The following TTLL11 variants were observed in gnomAD, a reference collection of about 807,000 sequenced individuals.
TTLL11 encodes tubulin polyglutamylase TTLL11.
A neutral mutation model predicts 51.7 loss-of-function variants in TTLL11; 42 were observed. The observed-to-expected ratio is 0.81, with a 90% CI of 0.64 to 1.05. The LOEUF (loss-of-function observed/expected upper bound fraction) is 1.05. Among genes scored for constraint, TTLL11 ranks in the 50% least tolerant of loss-of-function variants. The pLI, the probability that TTLL11 is intolerant of heterozygous loss-of-function variation, is 0.00. For synonymous variants in TTLL11, 381 were observed against 383.5 expected (o/e 0.99, Z 0.08); for missense variants, 799 against 940.4 (o/e 0.85, Z 1.97).
chr9:121,934,268 C>A (rs1841109975), intron 6 of TTLL11, among the ~76,000 whole-genome samples: 2 of 41,448 alleles, frequency 4.8e-5, no homozygotes, highest in Non-Finnish European at 1.4e-4. Flanking sequence ...ATAAATAAAT[C>A]CATTCGTCCA....
At chr9:121,840,536 T>C (rs9886787) in intron 8 of TTLL11, among the ~76,000 whole-genome samples, 9,015 of 152,180 alleles carry the variant, frequency 0.059, 727 homozygotes, top group African/African-American at 0.19. Flanking sequence ...GCTGGGATTA[T>C]ATGCAATTGC....
intron 4 of TTLL11, among the ~76,000 whole-genome samples, chr9:121,977,942 T>A (rs1261724951): frequency 1.3e-5 from 2 of 152,186 alleles, no homozygotes; most frequent in African/African-American, 4.8e-5. Context: ...CCCAAAGTTC[T>A]GGGATTACAG....
At chr9:121,854,994 C>A (rs1008090343) in intron 8 of TTLL11, among the ~76,000 whole-genome samples, 24 of 152,276 alleles carry the variant, frequency 1.6e-4, no homozygotes, top group African/African-American at 5.5e-4. Context: ...TAAATTCCAT[C>A]CAGCTCTTGA....
At chr9:121,845,926 A>T (rs182774723) in intron 8 of TTLL11, among the ~76,000 whole-genome samples, 2 of 152,198 alleles carry the variant, frequency 1.3e-5, no homozygotes, top group Non-Finnish European at 2.9e-5. Context: ...CAACTATATC[A>T]ATAAGTATTT....
chr9:122,051,171 C>T (rs1314025160), intron 1 of TTLL11, among the ~76,000 whole-genome samples: 1 of 151,960 alleles, frequency 6.6e-6, no homozygotes, highest in Admixed American at 6.6e-5. Context: ...TAACAATGTG[C>T]CAGGTATCTT....
In TTLL11 at chr9:121,989,347, A is replaced by C; in HGVS notation, c.1117T>G (p.Cys373Gly). 6.2e-7 allele frequency: 1 copy of C among 1,614,196 alleles called. No individual in the cohort carries two copies. Residue 373 changes from cysteine to glycine, a missense_variant, in exon 4 of 9, where the codon TGT becomes GGT. Coordinates refer to ENST00000321582, the MANE Select transcript of TTLL11 (RefSeq NM_001139442.2). The surrounding 1 kb of genome is among the most constrained non-coding windows in gnomAD (Gnocchi z 4.2). ...GSKRTFSSILCRLSSKGVDIK... is the reference protein window; with the variant it reads ...GSKRTFSSILGRLSSKGVDIK... ...TCAACGCCTTTGGAAGACAGTCTAC[A>C]AAGGATGCTGGAAAAAGTCCTTTTG...
intron 6 of TTLL11, among the ~76,000 whole-genome samples, chr9:121,909,122 ACG>A (rs1840031438): frequency 6.6e-6 from 1 of 152,172 alleles, no homozygotes. Context: ...CCAATCCATA[ACG>A]GTCAACTTAT....
intron 8 of TTLL11, among the ~76,000 whole-genome samples, chr9:121,845,987 TA>T (rs1364829779): frequency 6.6e-6 from 1 of 151,994 alleles, no homozygotes; most frequent in Non-Finnish European, 1.5e-5. Context: ...TTGAGAGGAT[TA>T]AAAAACGAGA....
At chr9:121,980,143 G>A (rs1842797047) in intron 4 of TTLL11, among the ~76,000 whole-genome samples, 1 of 151,900 alleles carries the variant, frequency 6.6e-6, no homozygotes, top group African/African-American at 2.4e-5. Context: ...GTGGGTGGAG[G>A]AGAGCATTTG....
intron 8 of TTLL11, among the ~76,000 whole-genome samples, chr9:121,826,921 G>A (rs991773894): frequency 2.0e-5 from 3 of 152,046 alleles, no homozygotes; most frequent in Non-Finnish European, 4.4e-5. Flanking sequence ...ATGGCCCAGG[G>A]GCCTGCCACA....
intron 6 of TTLL11, among the ~76,000 whole-genome samples, chr9:121,899,393 A>ATATATATATATATG (rs1564295478): frequency 2.3e-5 from 3 of 127,908 alleles, no homozygotes; most frequent in South Asian, 2.8e-4. Flanking sequence ...ATATATATAT[A>ATATATATATATATG]TATATATATA....
At chr9:121,937,393 A>G (rs1841277677) in intron 6 of TTLL11, among the ~76,000 whole-genome samples, 2 of 152,240 alleles carry the variant, frequency 1.3e-5, no homozygotes, top group African/African-American at 2.4e-5. Flanking sequence ...ACTTGCTTAC[A>G]GTGACATAGT....
At position 121,960,774 on chromosome 9, in the gene TTLL11, A is replaced by AT. The variant is rs1842195758; in HGVS notation, c.1481+13234dup. On this transcript the variant is annotated intron_variant, in intron 6 of 8. Coordinates refer to ENST00000321582, the MANE Select transcript of TTLL11 (RefSeq NM_001139442.2). ...TGATCCTCTCTAAGTAAATAAAGGC[A>AT]TCCCCCAAGACAGGAATTGCACATC... Among the ~76,000 whole-genome samples the AT allele has an allele frequency of 5.9e-5, 9 of 152,306 alleles. No homozygotes were observed. The South Asian group carries it at 1.9e-3, about 32-fold the overall frequency.
chr9:121,989,893 G>A lies in TTLL11; in HGVS notation c.694-123C>T. On this transcript the variant is annotated intron_variant, in intron 3 of 8. Transcript: ENST00000321582. This position sits in a 1 kb window ranked among gnomAD's most constrained non-coding sequence, Gnocchi z 4.2. ...AAGATGATCCCTGCCGATCTGAGCA[G>A]GGGCTGAGCATCTTCCATGGAGATG... 1.3e-6 allele frequency: 2 copies of A among 1,492,610 alleles called. No homozygotes were observed. Among genetic ancestry groups the A allele is most frequent in the Non-Finnish European group, 1.8e-6 (2 of 1,130,764 alleles). 92.5% of individuals were successfully genotyped at this position (1,492,610 alleles called of 1,614,324 possible).
At position 121,995,927 on chromosome 9, in the gene TTLL11, C is replaced by T. The variant is rs987464253; in HGVS notation, c.694-6157G>A. On this transcript the variant is annotated intron_variant, in intron 3 of 8. Transcript: ENST00000321582. The surrounding 1 kb of genome is among the most constrained non-coding windows in gnomAD (Gnocchi z 4.4). ...TCAAGCTCCGTGGTGAGCGCGGGAA[C>T]CACGGGCCCGTGAGAAGTAGTGCCT... Among the ~76,000 whole-genome samples, 1 of 152,176 alleles carries T rather than the reference C, an allele frequency of 6.6e-6. No individual in the cohort carries two copies. Among genetic ancestry groups the T allele is most frequent in the African/African-American group, 2.4e-5 (1 of 41,444 alleles).
At chr9:121,886,486 T>C (rs1001503118) in intron 6 of TTLL11, among the ~76,000 whole-genome samples, 1 of 152,152 alleles carries the variant, frequency 6.6e-6, no homozygotes, top group Non-Finnish European at 1.5e-5. Context: ...GCTGGAGTCA[T>C]GTTACCTGGC....
chr9:121,881,762 G>A (rs929477795), intron 6 of TTLL11, among the ~76,000 whole-genome samples: 1 of 152,190 alleles, frequency 6.6e-6, no homozygotes, highest in Non-Finnish European at 1.5e-5. Flanking sequence ...TCCTGACCTT[G>A]CATTTGTATT....
At chr9:122,079,206 G>T (rs142744779) in intron 1 of TTLL11, among the ~76,000 whole-genome samples, 3 of 151,960 alleles carry the variant, frequency 2.0e-5, no homozygotes, top group African/African-American at 4.8e-5. Context: ...GTGTATGAGG[G>T]TTCCAATTTC....
chr9:122,019,542 T>A (rs1317129052), intron 3 of TTLL11, among the ~76,000 whole-genome samples: 1 of 152,190 alleles, frequency 6.6e-6, no homozygotes, highest in African/African-American at 2.4e-5. Context: ...CTCGACCTCC[T>A]GGGCTCAGGT....
Sources: allele counts gnomAD v4.1 joint callset (sites outside exome capture counted in the v4.1 genomes callset), GRCh38; gene constraint gnomAD v4.1.1; non-coding constraint Gnocchi (gnomAD v3.1); transcripts MANE v1.5; gene names NCBI Gene and HGNC (gene_info 2026-07-23, HGNC 2026-07-21).